IFNA10: variants seen among roughly 807,000 people sequenced by gnomAD.
The protein encoded by IFNA10 is interferon alpha 10.
For missense variants in IFNA10, 246 were observed against 213.0 expected, an observed-to-expected ratio of 1.15 and a Z score of -0.96; for synonymous variants, 96 against 83.7, an observed-to-expected ratio of 1.15 and a Z score of -0.80.
Position 21,206,406 on chromosome 9 carries a change from C to T in IFNA10, c.*122G>A, listed in dbSNP as rs934159099. On this transcript the variant is annotated 3_prime_UTR_variant, in exon 1 of 1. Coordinates refer to ENST00000357374, the MANE Select transcript of IFNA10 (RefSeq NM_002171.2). ...CGACACTTCTTTACACTGCTGAAAA[C>T]ATTTGAAAATTTTGATTCAACGCGT... 59 of 1,517,490 alleles carry T rather than the reference C, an allele frequency of 3.9e-5. No homozygotes were observed. Among genetic ancestry groups the T allele is most frequent in the Non-Finnish European group, 4.9e-5 (55 of 1,125,218 alleles). 94.0% of individuals were successfully genotyped at this position (1,517,490 alleles called of 1,614,324 possible).
chr9:21,206,844 T>G lies in IFNA10; in HGVS notation c.254A>C (p.Gln85Pro), dbSNP rs768879375. 8.1e-6 allele frequency: 13 copies of G among 1,613,486 alleles called. No homozygotes were observed. In the African/African-American group the frequency reaches 9.4e-5, roughly 12 times the overall value. Residue 85 changes from glutamine (Q) to proline (P), a missense_variant, in exon 1 of 1, where the codon CAG (glutamine) becomes CCG (proline). By Grantham distance (76) the Gln-to-Pro change is moderately conservative. Coordinates refer to ENST00000357374, the MANE Select transcript of IFNA10 (RefSeq NM_002171.2). ...QAISVLHEMI[Q>P]QTFNLFSTED... ...TGTGCTGAAGAGATTGAAGGTCTGC[T>G]GGATCATCTCATGGAGGACAGAGAT...
Position 21,206,249 on chromosome 9 carries a change from A to C in IFNA10, c.*279T>G. ...AAATATGAAGAACATATATTGTTAC[A>C]TTAACCACAATGTAAAGCGACTCAT... is the stretch of plus-strand genomic sequence containing the variant. On this transcript the variant is annotated 3_prime_UTR_variant, in exon 1 of 1. Transcript: ENST00000357374. The C allele has an allele frequency of 3.9e-6, 1 of 255,536 alleles. No individual in the cohort carries two copies. The highest frequency in any genetic ancestry group is 7.3e-6 in the Non-Finnish European group (1 of 137,736). 15.8% of individuals were successfully genotyped at this position (255,536 alleles called of 1,614,324 possible).
At position 21,207,127 on chromosome 9, in the gene IFNA10, T is replaced by G. The variant is rs1818288138; in HGVS notation, c.-30A>C. ...ATGTTGCAAATATTGCTAGGCTACT[T>G]GAGATGGATAACCTTGAACTTCGGC... is the stretch of plus-strand genomic sequence containing the variant. On this transcript the variant is annotated 5_prime_UTR_variant, in exon 1 of 1. Coordinates refer to ENST00000357374, the MANE Select transcript of IFNA10 (RefSeq NM_002171.2). 5.1e-6 allele frequency: 8 copies of G among 1,567,482 alleles called. No homozygotes were observed. The highest frequency in any genetic ancestry group is 6.0e-6 in the Non-Finnish European group (7 of 1,158,772).
In IFNA10 at chr9:21,206,479, T is replaced by C; in HGVS notation, c.*49A>G. ...TGAAATGGAAGAACTCATGAAAGTG[T>C]GAGATAATGTATTAGTCAATCAGGA... is the stretch of plus-strand genomic sequence containing the variant. On this transcript the variant is annotated 3_prime_UTR_variant, in exon 1 of 1. Coordinates refer to ENST00000357374, the MANE Select transcript of IFNA10 (RefSeq NM_002171.2). 1.3e-6 allele frequency: 2 copies of C among 1,596,266 alleles called. No homozygotes were observed. The highest frequency in any genetic ancestry group is 1.7e-6 in the Non-Finnish European group (2 of 1,175,526).
chr9:21,206,606 C>T, the IFNA10 span: 4 of 1,613,894 alleles, frequency 2.5e-6, no homozygotes, highest in Non-Finnish European at 3.4e-6. Context: ...TGACAACCTC[C>T]CAGGCACAAG....
rs1295558440 is a variant in IFNA10, at chr9:21,206,216, T to G, written c.*312A>C. On this transcript the variant is annotated 3_prime_UTR_variant, in exon 1 of 1. Transcript: ENST00000357374. ...AATTTAATGAAAAAGGAAATTAATA[T>G]ATTGGCTAAATATGAAGAACATATA... The G allele has an allele frequency of 5.3e-6, 1 of 187,370 alleles. No homozygotes were observed. Among genetic ancestry groups the G allele is most frequent in the Non-Finnish European group, 1.1e-5 (1 of 92,054 alleles). The allele number at this position is 187,370 out of a possible 1,614,324, so 11.6% of individuals were successfully genotyped here.
chr9:21,206,787 AG>A, the IFNA10 span: 1 of 1,612,600 alleles, frequency 6.2e-7, no homozygotes, highest in African/African-American at 1.3e-5. Flanking sequence ...TTTTTCTAGG[AG>A]GCTCTGTTCC....
Position 21,206,613 on chromosome 9 carries a change from C to T in IFNA10, c.485G>A (p.Cys162Tyr), listed in dbSNP as rs769439907. 1 of 1,613,924 alleles carries T rather than the reference C, an allele frequency of 6.2e-7. No homozygotes were observed. The highest frequency in any genetic ancestry group is 2.2e-5 in the East Asian group (1 of 44,876). The stretch of plus-strand genomic sequence containing the variant: ...TTCTGCTCTGACAACCTCCCAGGCA[C>T]AAGGGCTGTATTTCCTCTCTATTAG... The part of the protein sequence containing the change: ...LYLIERKYSP[C>Y]AWEVVRAEIM... Residue 162 changes from cysteine (C) to tyrosine (Y), a missense_variant, in exon 1 of 1, where the codon TGT (cysteine) becomes TAT (tyrosine). By Grantham distance (194) the Cys-to-Tyr change is radical. Transcript: ENST00000357374.
rs1454067061 is a variant in IFNA10, at chr9:21,206,522, C to G, written c.*6G>C. 1.2e-6 allele frequency: 2 copies of G among 1,613,128 alleles called. No individual in the cohort carries two copies. The highest frequency in any genetic ancestry group is 1.7e-6 in the Non-Finnish European group (2 of 1,179,854). On this transcript the variant is annotated 3_prime_UTR_variant, in exon 1 of 1. Transcript: ENST00000357374. ...AATCAGGATCATTGCCATGTTGAAC[C>G]AGTTTTCAATCCTTCCTCCTTAATC...
chr9:21,206,683 A>C lies in IFNA10; in HGVS notation c.415T>G (p.Ser139Ala), dbSNP rs1818276964. ...AAGTATTTCCTCACAGCCAGGATGG[A>C]GTCCTCATTCATCAGGGGAGTCTCT... The part of the protein sequence containing the change: ...VEETPLMNED[S>A]ILAVRKYFQR... Residue 139 changes from serine (S) to alanine (A), a missense_variant, in exon 1 of 1, where the codon TCC becomes GCC. Physicochemically the swap from Ser to Ala is moderately conservative, Grantham distance 99 (BLOSUM62 1). Coordinates refer to ENST00000357374, the MANE Select transcript of IFNA10 (RefSeq NM_002171.2). 2.5e-6 allele frequency: 4 copies of C among 1,613,868 alleles called. No homozygotes were observed. The highest frequency in any genetic ancestry group is 2.2e-5 in the East Asian group (1 of 44,876).
chr9:21,206,597 G>A lies in IFNA10; in HGVS notation c.501C>T (p.Val167=). 1 of 1,613,856 alleles carries A rather than the reference G, an allele frequency of 6.2e-7. No homozygotes were observed. The highest frequency in any genetic ancestry group is 8.5e-7 in the Non-Finnish European group (1 of 1,179,994). ...RKYSPCAWEV[V]RAEIMRSLSF... The stretch of plus-strand genomic sequence containing the variant: ...AGAGGGATCTCATGATTTCTGCTCT[G>A]ACAACCTCCCAGGCACAAGGGCTGT... Residue 167 remains valine (V), a synonymous_variant, in exon 1 of 1, where the codon GTC becomes GTT. Transcript: ENST00000357374.
At position 21,206,905 on chromosome 9, in the gene IFNA10, C is replaced by T. The variant is rs1420280061; in HGVS notation, c.193G>A (p.Glu65Lys). Reference protein sequence around the residue: ...DRHDFRIPQEEFDGNQFQKAQ... With the variant: ...DRHDFRIPQEKFDGNQFQKAQ... ...TTCTGGAACTGGTTGCCATCAAACTCCTCCTGGGGGATTCGGAAATCATGT... is the reference window on the plus strand; with the variant it reads ...TTCTGGAACTGGTTGCCATCAAACTTCTCCTGGGGGATTCGGAAATCATGT... The change falls in exon 1 of 1, where the codon GAG (glutamate) becomes AAG (lysine). Residue 65 changes from glutamate (E) to lysine (K), a missense_variant. Glu to Lys is a moderately conservative substitution (Grantham distance 56). Coordinates refer to ENST00000357374, the MANE Select transcript of IFNA10 (RefSeq NM_002171.2). 2 of 1,613,726 alleles carry T rather than the reference C, an allele frequency of 1.2e-6. No individual in the cohort carries two copies. Among genetic ancestry groups the T allele is most frequent in the African/African-American group, 2.7e-5 (2 of 74,720 alleles).
Position 21,206,628 on chromosome 9 carries a change from C to G in IFNA10, c.470G>C (p.Arg157Thr). 7.4e-6 allele frequency: 12 copies of G among 1,613,874 alleles called. No homozygotes were observed. Among genetic ancestry groups the G allele is most frequent in the Non-Finnish European group, 1.0e-5 (12 of 1,179,970 alleles). ...FQRITLYLIE[R>T]KYSPCAWEVV... ...CTCCCAGGCACAAGGGCTGTATTTCCTCTCTATTAGATAAAGAGTGATTCT... is the reference window on the plus strand; with the variant it reads ...CTCCCAGGCACAAGGGCTGTATTTCGTCTCTATTAGATAAAGAGTGATTCT... Residue 157 changes from arginine (R) to threonine (T), a missense_variant, in exon 1 of 1, where the codon AGG becomes ACG. By Grantham distance (71) the Arg-to-Thr change is moderately conservative (BLOSUM62 -1). Coordinates refer to ENST00000357374, the MANE Select transcript of IFNA10 (RefSeq NM_002171.2).
chr9:21,206,333 A>G lies in IFNA10; in HGVS notation c.*195T>C. On this transcript the variant is annotated 3_prime_UTR_variant, in exon 1 of 1. Transcript: ENST00000357374. The stretch of plus-strand genomic sequence containing the variant: ...ATATTTAAACAAAAGATGAACAGAG[A>G]CATCAGAATGGTCATCTGTAAAGGA... The G allele has an allele frequency of 1.7e-6, 1 of 599,344 alleles. No homozygotes were observed. The highest frequency in any genetic ancestry group is 3.8e-5 in the Admixed American group (1 of 26,606). The allele number at this position is 599,344 out of a possible 1,614,324, so 37.1% of individuals were successfully genotyped here. A position where few individuals can be genotyped will look rare whatever the true frequency, so the allele number is the denominator to read the frequency against.
Position 21,207,076 on chromosome 9 carries a change from G to T in IFNA10, c.22C>A (p.Leu8Ile), listed in dbSNP as rs371422542. MALSFSL[L>I]MAVLVLSYKS... is the part of the protein sequence containing the mutation. The stretch of plus-strand genomic sequence containing the variant: ...TAGCTGAGCACCAGCACGGCCATAA[G>T]TAAAGAAAAGGACAGGGCCATTGGG... The change falls in exon 1 of 1, where the codon CTT (leucine) becomes ATT (isoleucine). Residue 8 changes from leucine to isoleucine, a missense_variant. Leu to Ile is a conservative substitution (Grantham distance 5, BLOSUM62 2). Coordinates refer to ENST00000357374, the MANE Select transcript of IFNA10 (RefSeq NM_002171.2). The T allele has an allele frequency of 2.5e-5, 40 of 1,609,798 alleles. No individual in the cohort carries two copies. The highest frequency in any genetic ancestry group is 3.3e-5 in the Non-Finnish European group (39 of 1,178,344).
Position 21,206,257 on chromosome 9 carries a change from C to G in IFNA10, c.*271G>C, listed in dbSNP as rs1189862122. 2 of 273,176 alleles carry G rather than the reference C, an allele frequency of 7.3e-6. No individual in the cohort carries two copies. The highest frequency in any genetic ancestry group is 1.3e-5 in the Non-Finnish European group (2 of 149,788). The allele number at this position is 273,176 out of a possible 1,614,324, so 16.9% of individuals were successfully genotyped here. A position where few individuals can be genotyped will look rare whatever the true frequency, so the allele number is the denominator to read the frequency against. ...AGAACATATATTGTTACATTAACCA[C>G]AATGTAAAGCGACTCATGATATTAC... On this transcript the variant is annotated 3_prime_UTR_variant, in exon 1 of 1. Coordinates refer to ENST00000357374, the MANE Select transcript of IFNA10 (RefSeq NM_002171.2).
chr9:21,206,700 G>A lies in IFNA10; in HGVS notation c.398C>T (p.Pro133Leu), dbSNP rs369916950. The A allele has an allele frequency of 1.9e-6, 3 of 1,613,676 alleles. No homozygotes were observed. Among genetic ancestry groups the A allele is most frequent in the Non-Finnish European group, 2.5e-6 (3 of 1,179,970 alleles). ...CAGGATGGAGTCCTCATTCATCAGG[G>A]GAGTCTCTTCCACCCCAACCTCCTG... ...VIQEVGVEET[P>L]LMNEDSILAV... Residue 133 changes from proline (P) to leucine (L), a missense_variant, in exon 1 of 1, where the codon CCC becomes CTC. Pro to Leu is a moderately conservative substitution (Grantham distance 98, BLOSUM62 -3). Coordinates refer to ENST00000357374, the MANE Select transcript of IFNA10 (RefSeq NM_002171.2).
chr9:21,206,436 G>T lies in IFNA10; in HGVS notation c.*92C>A. ...GAAAATTTTGATTCAACGCGTCGTG[G>T]TTATAGAAGTGAGTCTTTGAAATGG... On this transcript the variant is annotated 3_prime_UTR_variant, in exon 1 of 1. Transcript: ENST00000357374. 1.9e-6 allele frequency: 3 copies of T among 1,574,068 alleles called. No individual in the cohort carries two copies. Among genetic ancestry groups the T allele is most frequent in the South Asian group, 2.4e-5 (2 of 85,020 alleles).
In IFNA10 at chr9:21,207,117, C is replaced by G; in HGVS notation, c.-20G>C. 6.3e-7 allele frequency: 1 copy of G among 1,580,198 alleles called. No homozygotes were observed. The highest frequency in any genetic ancestry group is 8.6e-7 in the Non-Finnish European group (1 of 1,164,938). ...GGCCATTGGGATGTTGCAAATATTGCTAGGCTACTTGAGATGGATAACCTT... is the reference window on the plus strand; with the variant it reads ...GGCCATTGGGATGTTGCAAATATTGGTAGGCTACTTGAGATGGATAACCTT... On this transcript the variant is annotated 5_prime_UTR_variant, in exon 1 of 1. Coordinates refer to ENST00000357374, the MANE Select transcript of IFNA10 (RefSeq NM_002171.2).
Sources: gnomAD v4.1 joint callset for allele counts on GRCh38, gnomAD v4.1.1 for gene constraint, MANE v1.5 for transcripts, NCBI Gene and HGNC (gene_info 2026-07-23, HGNC 2026-07-21) for gene names.